HMGCLL1: variants seen among roughly 807,000 people sequenced by gnomAD.
HMGCLL1 encodes 3-hydroxymethyl-3-methylglutaryl-CoA lyase, cytoplasmic.
A neutral mutation model predicts 39.1 loss-of-function variants in HMGCLL1; 36 were observed. The observed-to-expected ratio is 0.92, with a 90% CI of 0.71 to 1.22. HMGCLL1 has a LOEUF of 1.22. Ranked by LOEUF, HMGCLL1 falls within the 50% of genes most tolerant of loss-of-function variation. The pLI is 0.00. For missense variants in HMGCLL1, 451 were observed against 416.5 expected, an observed-to-expected ratio of 1.08 and a Z score of -0.72; for synonymous variants, 149 against 144.0, an observed-to-expected ratio of 1.03 and a Z score of -0.25.
rs560276387 is a variant in HMGCLL1, at chr6:55,540,839, G to T, written c.297+890C>A. Among the ~76,000 whole-genome samples, 10 of 152,180 alleles carry T rather than the reference G, an allele frequency of 6.6e-5. No homozygotes were observed. In the East Asian group the frequency reaches 1.9e-3, roughly 29 times the overall value. On this transcript the variant is annotated intron_variant, in intron 3 of 8. Transcript: ENST00000274901. ...GCACTAGAAATGCAAATGACTGTTG[G>T]TATTGGAAAGACAGCCAAAGAAGAG...
At chr6:55,661,343 T>A in the HMGCLL1 span, among the ~76,000 whole-genome samples, 1 of 152,098 alleles carries the variant, frequency 6.6e-6, no homozygotes, top group East Asian at 1.9e-4. Context: ...GTTTTTATAG[T>A]TTTGGGTTTT....
chr6:55,513,948 T>G (rs1767598274), intron 5 of HMGCLL1, 100 bp downstream of exon 5: 1 of 981,512 alleles, frequency 1.0e-6, no homozygotes. Context: ...TGATATTCTA[T>G]GTATATTTTT....
At chr6:55,592,737 T>C in the HMGCLL1 span, among the ~76,000 whole-genome samples, 1 of 152,040 alleles carries the variant, frequency 6.6e-6, no homozygotes, top group African/African-American at 2.4e-5. Flanking sequence ...CTGCTGAGCA[T>C]TTTTCAAGTG....
chr6:55,617,203 G>A, the HMGCLL1 span, among the ~76,000 whole-genome samples: 2 of 152,068 alleles, frequency 1.3e-5, no homozygotes. Flanking sequence ...TTGCACTCAT[G>A]ATGTCCTGTC....
intron 1 of HMGCLL1, among the ~76,000 whole-genome samples, chr6:55,575,107 A>T (rs756376957): frequency 1.3e-5 from 2 of 152,062 alleles, no homozygotes; most frequent in African/African-American, 2.4e-5. Context: ...ATTTAATCAA[A>T]ACTTTAAAAC....
the HMGCLL1 span, among the ~76,000 whole-genome samples, chr6:55,634,577 G>T: frequency 2.6e-5 from 4 of 152,166 alleles, no homozygotes; most frequent in African/African-American, 9.6e-5. Context: ...CATTCCTGCA[G>T]TTGAGATGTC....
At chr6:55,596,112 G>C in the HMGCLL1 span, among the ~76,000 whole-genome samples, 1 of 152,126 alleles carries the variant, frequency 6.6e-6, no homozygotes, top group African/African-American at 2.4e-5. Context: ...ATCACTTGAG[G>C]CCAGGAGTTT....
intron 3 of HMGCLL1, among the ~76,000 whole-genome samples, chr6:55,531,797 C>T (rs1310863920): frequency 6.6e-6 from 1 of 152,152 alleles, no homozygotes; most frequent in African/African-American, 2.4e-5. Context: ...TGCAAGGGAT[C>T]TAGGTTGTTC....
At chr6:55,567,023 A>T (rs1222816861) in intron 1 of HMGCLL1, among the ~76,000 whole-genome samples, 2 of 152,124 alleles carry the variant, frequency 1.3e-5, no homozygotes, top group African/African-American at 4.8e-5. Context: ...TGTCCTTGGG[A>T]TAACAGAAAA....
At chr6:55,477,183 T>TATAA (rs1214852490) in intron 7 of HMGCLL1, among the ~76,000 whole-genome samples, 2 of 18,542 alleles carry the variant, frequency 1.1e-4, no homozygotes, top group African/African-American at 9.6e-4. Context: ...TATATTATAT[T>TATAA]TATATATTAT....
At chr6:55,659,830 A>G in the HMGCLL1 span, among the ~76,000 whole-genome samples, 2 of 151,882 alleles carry the variant, frequency 1.3e-5, no homozygotes, top group South Asian at 2.1e-4. Context: ...AAAGTTACCA[A>G]AGTATTTCCC....
intron 1 of HMGCLL1, among the ~76,000 whole-genome samples, chr6:55,542,800 T>TA (rs1769531511): frequency 2.9e-5 from 4 of 138,148 alleles, no homozygotes; most frequent in South Asian, 4.3e-4. Flanking sequence ...ATACCTATAT[T>TA]TATATATATA....
intron 7 of HMGCLL1, among the ~76,000 whole-genome samples, chr6:55,451,114 G>T (rs938640530): frequency 2.0e-5 from 3 of 152,130 alleles, no homozygotes; most frequent in African/African-American, 7.2e-5. Context: ...TTATGGGGAA[G>T]AGAAGTAGGA....
intron 1 of HMGCLL1, among the ~76,000 whole-genome samples, chr6:55,547,952 C>G (rs1259991457): frequency 6.6e-6 from 1 of 151,974 alleles, no homozygotes; most frequent in African/African-American, 2.4e-5. Flanking sequence ...TCCTGGGTAT[C>G]TCTCTAGAAT....
chr6:55,531,124 G>A lies in HMGCLL1; in HGVS notation c.297+10605C>T, dbSNP rs570950979. On this transcript the variant is annotated intron_variant, in intron 3 of 8. Transcript: ENST00000274901. ...ATGTGAATCTCCAAGTGAGCAAGTC[G>A]TAACTATGGCACACTGGAAATAAGT... Among the ~76,000 whole-genome samples, 16 of 152,262 alleles carry A rather than the reference G, an allele frequency of 1.1e-4. No homozygotes were observed. The South Asian group carries it at 2.1e-3, about 20-fold the overall frequency.
chr6:55,589,219 C>T, the HMGCLL1 span, among the ~76,000 whole-genome samples: 1 of 152,196 alleles, frequency 6.6e-6, no homozygotes, highest in African/African-American at 2.4e-5. Flanking sequence ...ATCAAGTGGG[C>T]TTCATCCCTG....
chr6:55,551,545 G>C (rs961429731), intron 1 of HMGCLL1, among the ~76,000 whole-genome samples: 5 of 151,894 alleles, frequency 3.3e-5, no homozygotes, highest in Non-Finnish European at 7.3e-5. Context: ...GAAGGGAAAG[G>C]AGGGGGAGGA....
intron 3 of HMGCLL1, among the ~76,000 whole-genome samples, chr6:55,532,664 G>A (rs913344991): frequency 2.6e-5 from 4 of 151,784 alleles, no homozygotes; most frequent in African/African-American, 9.7e-5. Flanking sequence ...AGCTGGGTGC[G>A]ATGGTGGGCA....
At chr6:55,559,820 A>G (rs1770850900) in intron 1 of HMGCLL1, among the ~76,000 whole-genome samples, 1 of 152,224 alleles carries the variant, frequency 6.6e-6, no homozygotes, top group Non-Finnish European at 1.5e-5. Context: ...ACTGGCTTCC[A>G]TAATGCTGCC....
Sources: gnomAD v4.1 joint callset for allele counts (sites outside exome capture counted in the v4.1 genomes callset) on GRCh38, gnomAD v4.1.1 for gene constraint, MANE v1.5 for transcripts, NCBI Gene and HGNC (gene_info 2026-07-23, HGNC 2026-07-21) for gene names.